Variants in ESRRG observed in about 807,000 individuals in gnomAD.
ESRRG encodes estrogen related receptor gamma, also known as estrogen-related receptor gamma.
In ESRRG, 13 loss-of-function variants were observed where a neutral mutation model predicts 44.0. The observed-to-expected ratio is 0.30, with a 90% CI of 0.19 to 0.47. The LOEUF (loss-of-function observed/expected upper bound fraction) is 0.47. ESRRG is among the 20% of genes least tolerant of loss of function. The pLI, the probability that ESRRG is intolerant of heterozygous loss-of-function variation, is 1.00. For synonymous variants in ESRRG, 215 were observed against 214.6 expected (o/e 1.00, Z -0.02); for missense variants, 395 against 580.6 (o/e 0.68, Z 3.29).
intron 2 of ESRRG, among the ~76,000 whole-genome samples, chr1:216,897,325 T>C (rs577327243): frequency 6.6e-6 from 1 of 152,304 alleles, no homozygotes; most frequent in South Asian, 2.1e-4. Flanking sequence ...CAAACATCAA[T>C]GTGCCTAAGG....
At chr1:216,607,025 C>G (rs2060024934) in intron 3 of ESRRG, among the ~76,000 whole-genome samples, 1 of 152,168 alleles carries the variant, frequency 6.6e-6, no homozygotes, top group Non-Finnish European at 1.5e-5. Context: ...AGAGGCTGTT[C>G]ACAGGGAACC....
chr1:216,704,242 G>T (rs771053549), intron 1 of ESRRG, among the ~76,000 whole-genome samples: 1 of 152,094 alleles, frequency 6.6e-6, no homozygotes, highest in Non-Finnish European at 1.5e-5. Context: ...GGCTGGGCGC[G>T]GTGGCTCACG....
chr1:216,898,205 C>A (rs1263111251), intron 2 of ESRRG, among the ~76,000 whole-genome samples: 1 of 152,126 alleles, frequency 6.6e-6, no homozygotes, highest in Non-Finnish European at 1.5e-5. Flanking sequence ...ATGAATTTCT[C>A]CACTCAATTT....
chr1:216,564,890 G>T (rs1573075572), intron 4 of ESRRG, among the ~76,000 whole-genome samples: 1 of 152,160 alleles, frequency 6.6e-6, no homozygotes, highest in Non-Finnish European at 1.5e-5. Context: ...AAAGGTCAGA[G>T]CCCTTCTGCC....
At chr1:217,111,369 C>T (rs554342020) in intron 1 of ESRRG, among the ~76,000 whole-genome samples, 2 of 152,220 alleles carry the variant, frequency 1.3e-5, no homozygotes, top group South Asian at 4.1e-4. Flanking sequence ...TTTTGATGCG[C>T]CATTGTTAAA....
intron 3 of ESRRG, among the ~76,000 whole-genome samples, chr1:216,645,599 C>T (rs1451025971): frequency 1.3e-5 from 2 of 151,968 alleles, no homozygotes; most frequent in Non-Finnish European, 2.9e-5. Flanking sequence ...GGCCCAGGCA[C>T]AGTGGTTCAT....
intron 2 of ESRRG, among the ~76,000 whole-genome samples, chr1:216,875,768 G>A (rs566395100): frequency 6.6e-6 from 1 of 152,224 alleles, no homozygotes; most frequent in Admixed American, 6.5e-5. Flanking sequence ...TCTGTTGGGT[G>A]TATACCTACA....
At chr1:216,856,760 T>G (rs1036928541) in intron 2 of ESRRG, among the ~76,000 whole-genome samples, 1 of 152,210 alleles carries the variant, frequency 6.6e-6, no homozygotes, top group Non-Finnish European at 1.5e-5. Flanking sequence ...CAGGCTATTT[T>G]CCAACTGCAA....
At chr1:216,731,142 C>T in intron 2 of ESRRG, among the ~76,000 whole-genome samples, 1 of 152,126 alleles carries the variant, frequency 6.6e-6, no homozygotes, top group African/African-American at 2.4e-5. Flanking sequence ...GTCCTGAACC[C>T]AAATATTTTT....
intron 2 of ESRRG, among the ~76,000 whole-genome samples, chr1:216,918,248 T>C (rs900283515): frequency 2.6e-5 from 4 of 152,308 alleles, no homozygotes; most frequent in African/African-American, 7.2e-5. Flanking sequence ...TTTTAAGTAT[T>C]CCACATTCTC....
At chr1:216,946,055 T>G (rs1011641206) in intron 1 of ESRRG, among the ~76,000 whole-genome samples, 86 of 152,216 alleles carry the variant, frequency 5.6e-4, no homozygotes, top group African/African-American at 2.0e-3. Context: ...ATGAATGAAT[T>G]AACTTTTTGA....
rs191319454 is a variant in ESRRG at position 216,901,687 on chromosome 1, T to C, written c.-14+37895A>G. The stretch of plus-strand genomic sequence containing the variant: ...CACCAGCCTTCTCCCATCTTTCTAA[T>C]GTTTACCTGCATTCTCTTTGGCACT... On this transcript the variant is annotated intron_variant, in intron 2 of 7. Transcript: ENST00000359162. Among the ~76,000 whole-genome samples, 546 of 152,310 alleles carry C rather than the reference T, an allele frequency of 3.6e-3. 2 individuals are homozygous for C. The highest frequency in any genetic ancestry group is 6.6e-3 in the Non-Finnish European group (449 of 68,030).
At chr1:216,746,430 T>C (rs995020961) in intron 2 of ESRRG, among the ~76,000 whole-genome samples, 3 of 152,196 alleles carry the variant, frequency 2.0e-5, no homozygotes, top group Non-Finnish European at 2.9e-5. Context: ...TAATTTAATA[T>C]ATATAGTGTT....
At chr1:216,688,255 G>A (rs1012635833) in intron 1 of ESRRG, among the ~76,000 whole-genome samples, 3 of 152,218 alleles carry the variant, frequency 2.0e-5, no homozygotes, top group Admixed American at 6.5e-5. Flanking sequence ...GAGCGGGAAA[G>A]CCATGTCTTT....
intron 1 of ESRRG, chr1:216,714,961 C>T (rs2152005969): frequency 2.4e-6 from 1 of 419,828 alleles, no homozygotes; most frequent in Non-Finnish European, 3.2e-6. Flanking sequence ...AAATTCCTGA[C>T]CCTAGGAAAG....
intron 1 of ESRRG, among the ~76,000 whole-genome samples, chr1:216,963,669 T>C (rs1396252342): frequency 6.6e-6 from 1 of 152,186 alleles, no homozygotes; most frequent in Non-Finnish European, 1.5e-5. Context: ...AGCCACGCAG[T>C]GGTGTCCTTA....
intron 1 of ESRRG, among the ~76,000 whole-genome samples, chr1:216,950,857 G>A (rs183259161): frequency 1.3e-5 from 2 of 152,238 alleles, no homozygotes; most frequent in Non-Finnish European, 2.9e-5. Context: ...CACCTATTGA[G>A]AGGTGTCATA....
chr1:216,983,258 G>T (rs1029480022), intron 1 of ESRRG, among the ~76,000 whole-genome samples: 1 of 151,512 alleles, frequency 6.6e-6, no homozygotes, highest in Non-Finnish European at 1.5e-5. Flanking sequence ...TTGAGACAGG[G>T]TCTCGCTCTG....
At chr1:216,942,325 C>G (rs1578442043) in intron 1 of ESRRG, among the ~76,000 whole-genome samples, 1 of 152,068 alleles carries the variant, frequency 6.6e-6, no homozygotes, top group Admixed American at 6.5e-5. Context: ...TTATGGACAC[C>G]TGGGTTGATT....
Sources: allele counts gnomAD v4.1 joint callset (sites outside exome capture counted in the v4.1 genomes callset), GRCh38; gene constraint gnomAD v4.1.1; transcripts MANE v1.5; gene names NCBI Gene and HGNC (gene_info 2026-07-23, HGNC 2026-07-21).